Variants in OFD1 observed in about 807,000 individuals in gnomAD.
The protein encoded by OFD1 is centriole and centriolar satellite protein OFD1.
Under a neutral mutation model 81.4 loss-of-function variants are expected in OFD1, and 12 were observed. The observed-to-expected ratio is 0.15, with a 90% CI of 0.09 to 0.24. OFD1 has a LOEUF of 0.24. OFD1 is among the 10% of genes least tolerant of loss of function. OFD1 has a pLI of 1.00. For missense variants in OFD1, 685 were observed against 733.9 expected (o/e 0.93, Z 0.77); for synonymous variants, 256 against 263.7 (o/e 0.97, Z 0.28).
At chrX:13,773,206 C>T (rs1380598841), downstream of OFD1, 5 of 339,179 alleles carry the variant, frequency 1.5e-5, no homozygotes, top group African/African-American at 1.1e-4. Context: ...TAGTTGGCTT[C>T]GCATTAAAAG....
intron 3 of OFD1, among the ~76,000 whole-genome samples, chrX:13,737,745 A>G (rs752272126): frequency 8.9e-6 from 1 of 112,317 alleles, no homozygotes; most frequent in South Asian, 3.7e-4. Context: ...TTCATATTCC[A>G]AAGTTTTAGT....
intron 3 of OFD1, among the ~76,000 whole-genome samples, chrX:13,737,872 C>T (rs139814693): frequency 0.011 from 1,213 of 111,426 alleles, 21 homozygotes; most frequent in African/African-American, 0.038. Context: ...GTTTTTGAGA[C>T]AGAGTCTTGC....
At chrX:13,751,479 AAAAAAAAC>A in intron 10 of OFD1, 111 bp downstream of exon 10, 1 of 615,405 alleles carries the variant, frequency 1.6e-6, no homozygotes, top group South Asian at 2.8e-5. Flanking sequence ...TGTTTGAAAA[AAAAAAAAC>A]ATAGTTTTAT....
chrX:13,720,263 A>G, the OFD1 span: 2 of 170,892 alleles, frequency 1.2e-5, no homozygotes, highest in Non-Finnish European at 2.2e-5. Flanking sequence ...TGATCTGAAA[A>G]TATGGCTCAT....
chrX:13,760,982 G>A, intron 16 of OFD1, 103 bp from the exon 17 acceptor site: 1 of 1,021,172 alleles, frequency 9.8e-7, no homozygotes, highest in South Asian at 1.9e-5. Flanking sequence ...TATTTGTGAG[G>A]ATAACAGTTT....
the OFD1 span, chrX:13,716,619 C>G: frequency 8.3e-7 from 1 of 1,210,220 alleles, no homozygotes; most frequent in Non-Finnish European, 1.1e-6. Context: ...GCCACATGTT[C>G]TCATCTACGA....
In OFD1 at chrX:13,768,299, G is replaced by A; in HGVS notation, c.2928+75G>A. ...TTCCGTGGCTTAACTTCTTGGGACG[G>A]GAATCCGTCTTCTCCATTGAAGACA... On this transcript the variant is annotated intron_variant, in intron 21 of 22. Coordinates refer to ENST00000340096, the MANE Select transcript of OFD1 (RefSeq NM_003611.3). 8 of 788,086 alleles carry A rather than the reference G, an allele frequency of 1.0e-5. No individual in the cohort carries two copies. In the South Asian group the frequency reaches 1.7e-4, roughly 17 times the overall value. The allele number at this position is 788,086 out of a possible 1,213,427, so 64.9% of individuals were successfully genotyped here. A position where few individuals can be genotyped will look rare whatever the true frequency, so the allele number is the denominator to read the frequency against.
chrX:13,746,609 G>A (rs755233381), intron 7 of OFD1, among the ~76,000 whole-genome samples, 154 bp downstream of exon 7: 51 of 111,554 alleles, frequency 4.6e-4, no homozygotes, highest in African/African-American at 1.7e-3. Flanking sequence ...GGTGACATTT[G>A]TTTATGCCTT....
At chrX:13,732,324 G>A (rs925921217), upstream of OFD1, among the ~76,000 whole-genome samples, 2 of 112,003 alleles carry the variant, frequency 1.8e-5, no homozygotes, top group African/African-American at 3.2e-5. Context: ...ATGTTTAAAC[G>A]GAGTAGGGGA....
intron 5 of OFD1, among the ~76,000 whole-genome samples, chrX:13,742,853 C>T (rs1173194881): frequency 9.0e-6 from 1 of 111,191 alleles, no homozygotes; most frequent in Admixed American, 9.5e-5. Flanking sequence ...ATGAAAGACC[C>T]AGTGTCGAAA....
At chrX:13,756,796 C>T (rs772384704) in intron 13 of OFD1, 29 bp downstream of exon 13, 3 of 1,097,257 alleles carry the variant, frequency 2.7e-6, no homozygotes, top group East Asian at 3.0e-5. Flanking sequence ...TTCTGACTTG[C>T]GTGTTTTAGT....
intron 11 of OFD1, among the ~76,000 whole-genome samples, chrX:13,754,609 T>C (rs867177215): frequency 2.7e-5 from 3 of 109,894 alleles, no homozygotes; most frequent in Admixed American, 9.6e-5. Context: ...AGTTTCACCA[T>C]GTTGGCCAGG....
At chrX:13,752,687 T>G in intron 10 of OFD1, 1 of 970,530 alleles carries the variant, frequency 1.0e-6, no homozygotes, top group Middle Eastern at 3.0e-4. Context: ...GTGAACTATT[T>G]GGTGTCATTG....
chrX:13,761,880 C>CT (rs1170429014), intron 17 of OFD1, among the ~76,000 whole-genome samples: 1 of 103,285 alleles, frequency 9.7e-6, no homozygotes, highest in African/African-American at 3.6e-5. Context: ...TTCTCTGCCA[C>CT]ATGGGCCTGT....
rs1243267416 is a variant in OFD1 at position 13,744,530 on chromosome X, CCTT to C, written c.517+15_517+17del. 4.1e-6 allele frequency: 4 copies of C among 985,412 alleles called. No homozygotes were observed. Among genetic ancestry groups the C allele is most frequent in the Non-Finnish European group, 5.8e-6 (4 of 689,998 alleles). The allele number at this position is 985,412 out of a possible 1,213,427, so 81.2% of individuals were successfully genotyped here. A position where few individuals can be genotyped will look rare whatever the true frequency, so the allele number is the denominator to read the frequency against. ...ACAGAGATTCTCTGGGTAATTATAGCCTTCTTTCTTAATTTCAGTTCTGCTGTT... is the reference window on the plus strand; with the variant it reads ...ACAGAGATTCTCTGGGTAATTATAGCCTTTCTTAATTTCAGTTCTGCTGTT... On this transcript the variant is annotated intron_variant, in intron 6 of 22. Coordinates refer to ENST00000340096, the MANE Select transcript of OFD1 (RefSeq NM_003611.3).
At chrX:13,741,310 A>C (rs1314294667) in intron 5 of OFD1, among the ~76,000 whole-genome samples, 1 of 111,626 alleles carries the variant, frequency 9.0e-6, no homozygotes, top group East Asian at 2.8e-4. Flanking sequence ...TTTGGATAGA[A>C]CTCTTAGCTA....
At chrX:13,764,500 G>A (rs2048053318) in intron 19 of OFD1, among the ~76,000 whole-genome samples, 1 of 111,552 alleles carries the variant, frequency 9.0e-6, no homozygotes, top group Non-Finnish European at 1.9e-5. Flanking sequence ...GGAGGGAGAC[G>A]GGAAGAGAGC....
intron 18 of OFD1, 94 bp downstream of exon 18, chrX:13,762,538 G>A: frequency 1.8e-6 from 1 of 545,194 alleles, no homozygotes; most frequent in Non-Finnish European, 3.1e-6. Context: ...AAGAAAAGCA[G>A]TTACAAATTG....
rs148995835 is a variant in OFD1 at position 13,735,251 on chromosome X, A to G, written c.16A>G (p.Asn6Asp). The G allele has an allele frequency of 8.3e-7, 1 of 1,211,130 alleles. No individual in the cohort carries two copies. Among genetic ancestry groups the G allele is most frequent in the Non-Finnish European group, 1.1e-6 (1 of 894,680 alleles). The stretch of plus-strand genomic sequence containing the variant: ...CTATAACCATTTTGTCTTTTAGTCC[A>G]ACATGTTTACCGTGGCTGATGTGTT... MMAQS[N>D]MFTVADVLSQ... Residue 6 changes from asparagine to aspartate, a missense_variant, in exon 2 of 23, where the codon AAC becomes GAC. This residue lies in a region of OFD1 where 414 missense variants were observed against 447.2 expected (regional missense o/e 0.93). Coordinates refer to ENST00000340096, the MANE Select transcript of OFD1 (RefSeq NM_003611.3).
Sources: gnomAD v4.1 joint callset for allele counts (sites outside exome capture counted in the v4.1 genomes callset) on GRCh38, gnomAD v4.1.1 for gene constraint, gnomAD v4.1.1 regional missense constraint, MANE v1.5 for transcripts, NCBI Gene and HGNC (gene_info 2026-07-23, HGNC 2026-07-21) for gene names.